Variants in COL22A1 observed in about 807,000 individuals in gnomAD.
The protein encoded by COL22A1 is collagen type XXII alpha 1 chain.
COL22A1 carries 221 observed loss-of-function variants against 248.9 expected under a neutral mutation model. That is an observed-to-expected ratio of 0.89 (90% CI 0.80 to 0.99). The LOEUF is 0.99. COL22A1 is among the 50% of genes least tolerant of loss of function. COL22A1 has a pLI of 0.00. For missense variants in COL22A1, 2,240 were observed against 2,179.0 expected (o/e 1.03, Z -0.56); for synonymous variants, 891 against 793.4 (o/e 1.12, Z -2.07).
chr8:138,597,678 T>C (rs1366431822), intron 61 of COL22A1, among the ~76,000 whole-genome samples: 1 of 152,248 alleles, frequency 6.6e-6, no homozygotes, highest in African/African-American at 2.4e-5. Flanking sequence ...GCAGGGGTCT[T>C]ACGGTGCTCA....
rs141561109 is a variant in COL22A1 at position 138,735,715 on chromosome 8, G to T, written c.2139+1809C>A. 3.0e-3 allele frequency among the ~76,000 whole-genome samples: 464 copies of T among 152,290 alleles called. 2 individuals are homozygous for T. Among genetic ancestry groups the T allele is most frequent in the Middle Eastern group, 0.027 (8 of 294 alleles). Reference sequence around the variant, plus strand: ...AGAACACTGTGAATTATGATGGATCGTATATTCTTATTCCCTGCTGCATCC... The same window carrying T: ...AGAACACTGTGAATTATGATGGATCTTATATTCTTATTCCCTGCTGCATCC... On this transcript the variant is annotated intron_variant, in intron 23 of 64. Coordinates refer to ENST00000303045, the MANE Select transcript of COL22A1 (RefSeq NM_152888.3).
chr8:138,770,832 C>T (rs1834303515), intron 16 of COL22A1, among the ~76,000 whole-genome samples: 1 of 152,166 alleles, frequency 6.6e-6, no homozygotes, highest in African/African-American at 2.4e-5. Context: ...CAGTGCAAAG[C>T]TGACCTTCAG....
intron 3 of COL22A1, among the ~76,000 whole-genome samples, chr8:138,861,755 T>C (rs1400986346): frequency 1.3e-5 from 2 of 152,158 alleles, no homozygotes; most frequent in African/African-American, 2.4e-5. Flanking sequence ...AAAGTGAACT[T>C]AAAGCACAGT....
At chr8:138,857,592 C>T (rs565104868) in intron 3 of COL22A1, among the ~76,000 whole-genome samples, 12 of 152,308 alleles carry the variant, frequency 7.9e-5, no homozygotes, top group African/African-American at 2.9e-4. Flanking sequence ...AATCTGCCAC[C>T]CCATCCCGAA....
chr8:138,755,967 C>T, intron 18 of COL22A1, 138 bp from the exon 19 acceptor site: 4 of 699,064 alleles, frequency 5.7e-6, no homozygotes, highest in Non-Finnish European at 9.9e-6. Flanking sequence ...CTTCGTCTTG[C>T]CCGAGCCTGC....
At position 138,821,290 on chromosome 8, in the gene COL22A1, C is replaced by T. The variant is rs1399651606; in HGVS notation, c.1091G>A (p.Trp364Ter). The change falls in exon 7 of 65, where the codon TGG (tryptophan) becomes TAG (stop). Residue 364 changes from tryptophan to a stop codon, truncating the protein, a stop_gained. Coordinates refer to ENST00000303045, the MANE Select transcript of COL22A1 (RefSeq NM_152888.3). LOFTEE classifies it high-confidence loss of function. ...SRVNDLFDRDWHKMALSIQAQ... is the reference protein window; with the variant it reads ...SRVNDLFDRD Reference sequence around the variant, plus strand: ...CTGGATGCTCAGGGCCATCTTGTGCCAGTCCCGGTCAAAGAGGTCATTGAC... The same window carrying T: ...CTGGATGCTCAGGGCCATCTTGTGCTAGTCCCGGTCAAAGAGGTCATTGAC... 1.2e-6 allele frequency: 2 copies of T among 1,614,096 alleles called. No homozygotes were observed. Among genetic ancestry groups the T allele is most frequent in the Non-Finnish European group, 1.7e-6 (2 of 1,180,048 alleles).
chr8:138,835,935 C>A (rs1046082795), intron 4 of COL22A1, among the ~76,000 whole-genome samples: 1 of 152,186 alleles, frequency 6.6e-6, no homozygotes, highest in Non-Finnish European at 1.5e-5. Flanking sequence ...TTTACTCAAC[C>A]TCTCTGGACC....
intron 58 of COL22A1, among the ~76,000 whole-genome samples, chr8:138,605,431 T>G (rs989108129): frequency 6.6e-6 from 1 of 152,092 alleles, no homozygotes; most frequent in Non-Finnish European, 1.5e-5. Flanking sequence ...AGCAGATTAT[T>G]AACAAGGGGA....
intron 16 of COL22A1, among the ~76,000 whole-genome samples, chr8:138,763,110 G>A (rs1833630639): frequency 1.3e-5 from 2 of 152,128 alleles, no homozygotes; most frequent in South Asian, 4.1e-4. Flanking sequence ...CAAAAGCCTG[G>A]GCGTGGTGGC....
intron 57 of COL22A1, 102 bp downstream of exon 57, chr8:138,607,834 C>T (rs1818545040): frequency 6.1e-6 from 7 of 1,138,606 alleles, no homozygotes; most frequent in South Asian, 5.7e-5. Context: ...TATGTCCCCA[C>T]CGATGCTTCT....
chr8:138,769,304 GTGGC>G (rs1461303793), intron 16 of COL22A1, among the ~76,000 whole-genome samples: 2 of 152,138 alleles, frequency 1.3e-5, no homozygotes, highest in Non-Finnish European at 2.9e-5. Context: ...ACCACATAAC[GTGGC>G]CTCAGGAGAG....
chr8:138,905,513 T>C (rs1814940632), intron 1 of COL22A1, among the ~76,000 whole-genome samples: 1 of 152,170 alleles, frequency 6.6e-6, no homozygotes, highest in Admixed American at 6.5e-5. Flanking sequence ...CCAGGCTGTT[T>C]AGAGCTCCTA....
chr8:138,805,663 G>A (rs1362230623), intron 10 of COL22A1, among the ~76,000 whole-genome samples: 2 of 147,276 alleles, frequency 1.4e-5, no homozygotes, highest in Non-Finnish European at 3.0e-5. Context: ...GTGTTATGGT[G>A]TGTGTCTGTG....
chr8:138,833,006 T>C (rs752147351), intron 5 of COL22A1, 33 bp downstream of exon 5: 58 of 1,419,034 alleles, frequency 4.1e-5, no homozygotes, highest in Non-Finnish European at 5.7e-5. Flanking sequence ...CATGACACCC[T>C]GGGCAGGTCT....
At chr8:138,715,916 A>G (rs1016498233) in intron 29 of COL22A1, among the ~76,000 whole-genome samples, 181 bp from the exon 30 acceptor site, 2 of 152,166 alleles carry the variant, frequency 1.3e-5, no homozygotes, top group African/African-American at 4.8e-5. Flanking sequence ...GGAACTAGTC[A>G]GTTAGGCGTG....
chr8:138,763,795 C>T (rs895395222), intron 16 of COL22A1, among the ~76,000 whole-genome samples: 1 of 152,186 alleles, frequency 6.6e-6, no homozygotes, highest in Non-Finnish European at 1.5e-5. Context: ...CCCCTCCTGA[C>T]CTTTTCATCT....
At chr8:138,725,514 G>A in intron 23 of COL22A1, 74 bp from the exon 24 acceptor site, 1 of 1,235,478 alleles carries the variant, frequency 8.1e-7, no homozygotes, top group Non-Finnish European at 1.1e-6. Context: ...GCATTTGAAA[G>A]AGGCAAAGGG....
chr8:138,875,214 G>A (rs766727952), intron 3 of COL22A1, among the ~76,000 whole-genome samples: 24 of 152,266 alleles, frequency 1.6e-4, no homozygotes, highest in Admixed American at 6.5e-4. Context: ...GCTTTACCAA[G>A]ACCAGTCATG....
chr8:138,746,478 CA>C (rs1255466171), intron 22 of COL22A1, among the ~76,000 whole-genome samples: 3 of 152,244 alleles, frequency 2.0e-5, no homozygotes, highest in Non-Finnish European at 4.4e-5. Flanking sequence ...CACAACATTA[CA>C]ATTTGTTTCT....
Sources: gnomAD v4.1 joint callset for allele counts (sites outside exome capture counted in the v4.1 genomes callset) on GRCh38, gnomAD v4.1.1 for gene constraint, MANE v1.5 for transcripts, NCBI Gene and HGNC (gene_info 2026-07-23, HGNC 2026-07-21) for gene names.